The following KCNE2 variants were observed in gnomAD, a reference collection of about 807,000 sequenced individuals.
KCNE2 encodes potassium voltage-gated channel subfamily E member 2.
Under a neutral mutation model 4.5 loss-of-function variants are expected in KCNE2, and 4 were observed. The ratio of observed to expected loss-of-function variants is 0.89; its 90% CI spans 0.44 to 2.03. KCNE2 has a LOEUF of 2.03. Among genes scored for constraint, KCNE2 ranks in the 30% most tolerant of loss-of-function variants. The pLI is 0.03. For synonymous variants in KCNE2, 57 were observed against 55.9 expected (o/e 1.02, Z -0.09); for missense variants, 137 against 151.4 (o/e 0.90, Z 0.50).
chr21:34,364,653 G>A (rs941300999), intron 1 of KCNE2, among the ~76,000 whole-genome samples: 3 of 151,884 alleles, frequency 2.0e-5, no homozygotes, highest in Non-Finnish European at 2.9e-5. Flanking sequence ...GGCGCCTGTA[G>A]TCCCAGCTAC....
Position 34,370,941 on chromosome 21 carries a change from A to C in KCNE2, c.*91A>C. On this transcript the variant is annotated 3_prime_UTR_variant, in exon 2 of 2. Transcript: ENST00000290310. ...CAAATCCAAATTGTCTTTGCTTAGA[A>C]GAAAGTGAGTTCCTTGCTCTCTGTT... 1.3e-6 allele frequency: 2 copies of C among 1,522,182 alleles called. No individual in the cohort carries two copies. The highest frequency in any genetic ancestry group is 1.8e-6 in the Non-Finnish European group (2 of 1,103,174). The allele number at this position is 1,522,182 out of a possible 1,614,324, so 94.3% of individuals were successfully genotyped here.
intron 1 of KCNE2, among the ~76,000 whole-genome samples, chr21:34,364,772 C>CAAAA (rs60945367): frequency 7.4e-6 from 1 of 135,200 alleles, no homozygotes; most frequent in Non-Finnish European, 1.6e-5. Flanking sequence ...GACTCCATCT[C>CAAAA]AAAAAAAAAA....
At chr21:34,366,903 C>G (rs534552833) in intron 1 of KCNE2, among the ~76,000 whole-genome samples, 1 of 131,848 alleles carries the variant, frequency 7.6e-6, no homozygotes, top group Non-Finnish European at 1.5e-5. Context: ...GGCGTAAACC[C>G]GGGAGGCAGA....
At position 34,370,501 on chromosome 21, in the gene KCNE2, C is replaced by T. The variant is rs35759083; in HGVS notation, c.23C>T (p.Thr8Ile). Residue 8 changes from threonine (T) to isoleucine (I), a missense_variant, in exon 2 of 2, where the codon ACA (threonine) becomes ATA (isoleucine). Coordinates refer to ENST00000290310, the MANE Select transcript of KCNE2 (RefSeq NM_172201.2). Reference sequence around the variant, plus strand: ...AGCATGTCTACTTTATCCAATTTCACACAGACGCTGGAAGACGTCTTCCGA... The same window carrying T: ...AGCATGTCTACTTTATCCAATTTCATACAGACGCTGGAAGACGTCTTCCGA... MSTLSNF[T>I]QTLEDVFRRI... is the part of the protein sequence containing the mutation. 5 of 1,614,072 alleles carry T rather than the reference C, an allele frequency of 3.1e-6. No individual in the cohort carries two copies. In the African/African-American group the frequency reaches 5.3e-5, roughly 17 times the overall value.
Position 34,370,884 on chromosome 21 carries a change from T to C in KCNE2, c.*34T>C. 6.2e-7 allele frequency: 1 copy of C among 1,612,690 alleles called. No individual in the cohort carries two copies. Among genetic ancestry groups the C allele is most frequent in the South Asian group, 1.1e-5 (1 of 91,016 alleles). Reference sequence around the variant, plus strand: ...AAAGGCACCAAGCTAACATCTGACGTCCAGACATGAAGAGATGCCAGTGCC... The same window carrying C: ...AAAGGCACCAAGCTAACATCTGACGCCCAGACATGAAGAGATGCCAGTGCC... On this transcript the variant is annotated 3_prime_UTR_variant, in exon 2 of 2. Coordinates refer to ENST00000290310, the MANE Select transcript of KCNE2 (RefSeq NM_172201.2).
rs371823429 is a variant in KCNE2, at chr21:34,366,860, A to T, written c.-13+2709A>T. On this transcript the variant is annotated intron_variant, in intron 1 of 1. Coordinates refer to ENST00000290310, the MANE Select transcript of KCNE2 (RefSeq NM_172201.2). ...CGGGCTTCGTGGCGGGTGCCTGTAGACCCAGCTACTCAGGAGGCTGAGGCA... is the reference window on the plus strand; with the variant it reads ...CGGGCTTCGTGGCGGGTGCCTGTAGTCCCAGCTACTCAGGAGGCTGAGGCA... 5.3e-4 allele frequency among the ~76,000 whole-genome samples: 79 copies of T among 150,346 alleles called. 1 individual carries two copies. The highest frequency in any genetic ancestry group is 6.4e-4 in the South Asian group (3 of 4,710).
At chr21:34,369,505 G>A (rs545218574) in intron 1 of KCNE2, among the ~76,000 whole-genome samples, 34 of 152,104 alleles carry the variant, frequency 2.2e-4, no homozygotes, top group East Asian at 1.4e-3. Flanking sequence ...AGCAGAGATC[G>A]TGCCACCCCA....
rs1568812199 is a variant in KCNE2 at position 34,368,221 on chromosome 21, AC to A, written c.-12-2245del. Among the ~76,000 whole-genome samples, 20 of 88,222 alleles carry A rather than the reference AC, an allele frequency of 2.3e-4. 1 individual carries two copies. Among genetic ancestry groups the A allele is most frequent in the Admixed American group, 1.2e-3 (8 of 6,814 alleles). 57.9% of individuals were successfully genotyped at this position (88,222 alleles called of 152,430 possible). On this transcript the variant is annotated intron_variant, in intron 1 of 1. Coordinates refer to ENST00000290310, the MANE Select transcript of KCNE2 (RefSeq NM_172201.2). Reference sequence around the variant, plus strand: ...ATCACACACACACACACACACACACACACACACAATATATATATATATATAT... The same window carrying A: ...ATCACACACACACACACACACACACAACACACAATATATATATATATATAT...
At chr21:34,365,897 G>A (rs1603058610) in intron 1 of KCNE2, among the ~76,000 whole-genome samples, 2 of 152,180 alleles carry the variant, frequency 1.3e-5, no homozygotes, top group Admixed American at 6.5e-5. Flanking sequence ...TGGGCCACTC[G>A]GCCACATCTC....
At chr21:34,369,484 AG>A (rs1979484754) in intron 1 of KCNE2, among the ~76,000 whole-genome samples, 1 of 152,050 alleles carries the variant, frequency 6.6e-6, no homozygotes, top group East Asian at 1.9e-4. Flanking sequence ...GGGGAGGCGG[AG>A]GTTTCAGTGA....
chr21:34,366,966 C>G (rs1375343507), intron 1 of KCNE2, among the ~76,000 whole-genome samples: 1 of 106,784 alleles, frequency 9.4e-6, no homozygotes, highest in African/African-American at 3.8e-5. Context: ...GCAAAAGAGA[C>G]TCCATCTCAA....
At chr21:34,368,229 A>ACACTATATATATATAT (rs781775671) in intron 1 of KCNE2, among the ~76,000 whole-genome samples, 1 of 84,810 alleles carries the variant, frequency 1.2e-5, no homozygotes, top group African/African-American at 6.0e-5. Context: ...ACACACACAC[A>ACACTATATATATATAT]ATATATATAT....
Position 34,365,625 on chromosome 21 carries a change from A to T in KCNE2, c.-13+1474A>T, listed in dbSNP as rs538710577. 8.5e-5 allele frequency among the ~76,000 whole-genome samples: 13 copies of T among 152,198 alleles called. No homozygotes were observed. In the South Asian group the frequency reaches 1.2e-3, roughly 15 times the overall value. ...TGTTTTGTAGAGGTGGTGTCTCGCT[A>T]TGTTGTCCAGGCTGATCTCGAACTC... On this transcript the variant is annotated intron_variant, in intron 1 of 1. Transcript: ENST00000290310.
At chr21:34,367,979 T>C (rs1358246704) in intron 1 of KCNE2, among the ~76,000 whole-genome samples, 1 of 152,014 alleles carries the variant, frequency 6.6e-6, no homozygotes, top group Non-Finnish European at 1.5e-5. Flanking sequence ...CTTTGCACGT[T>C]GCATTGTCAT....
intron 1 of KCNE2, among the ~76,000 whole-genome samples, chr21:34,366,626 G>T (rs1264581750): frequency 6.6e-6 from 1 of 152,066 alleles, no homozygotes; most frequent in Non-Finnish European, 1.5e-5. Flanking sequence ...CTGAAGGTAG[G>T]AGTTTATAGA....
chr21:34,370,777 T>C lies in KCNE2; in HGVS notation c.299T>C (p.Ile100Thr). 1 of 1,614,102 alleles carries C rather than the reference T, an allele frequency of 6.2e-7. No individual in the cohort carries two copies. The highest frequency in any genetic ancestry group is 8.5e-7 in the Non-Finnish European group (1 of 1,180,018). The change falls in exon 2 of 2, where the codon ATC becomes ACC. Residue 100 changes from isoleucine (I) to threonine (T), a missense_variant. Physicochemically the swap from Ile to Thr is moderately conservative, Grantham distance 89 (BLOSUM62 -1). Transcript: ENST00000290310. Reference protein sequence around the residue: ...EDWQEKYKSQILNLEESKATI... With the variant: ...EDWQEKYKSQTLNLEESKATI... ...TGGCAGGAAAAGTACAAGAGCCAAA[T>C]CTTGAATCTAGAAGAATCGAAGGCC...
Position 34,370,787 on chromosome 21 carries a change from AG to A in KCNE2, c.310del (p.Glu104LysfsTer31), listed in dbSNP as rs1979554775. Reference protein sequence around the residue: ...EKYKSQILNLEESKATIHENI... With the variant: ...EKYKSQILNLXESKATIHENI... ...AGTACAAGAGCCAAATCTTGAATCTAGAAGAATCGAAGGCCACCATCCATGA... is the reference window on the plus strand; with the variant it reads ...AGTACAAGAGCCAAATCTTGAATCTAAAGAATCGAAGGCCACCATCCATGA... On this transcript the variant is annotated frameshift_variant, in exon 2 of 2. Transcript: ENST00000290310. LOFTEE classifies it low-confidence loss of function (END_TRUNC). 3.1e-6 allele frequency: 5 copies of A among 1,614,250 alleles called. No homozygotes were observed. The highest frequency in any genetic ancestry group is 2.5e-6 in the Non-Finnish European group (3 of 1,180,042).
At chr21:34,369,292 G>A (rs1370750876) in intron 1 of KCNE2, among the ~76,000 whole-genome samples, 2 of 152,182 alleles carry the variant, frequency 1.3e-5, no homozygotes, top group Non-Finnish European at 2.9e-5. Context: ...GCTGACACAT[G>A]TAATCCCAGC....
chr21:34,371,068 A>T lies in KCNE2; in HGVS notation c.*218A>T. The T allele has an allele frequency of 1.6e-6, 1 of 617,222 alleles. No homozygotes were observed. Among genetic ancestry groups the T allele is most frequent in the Non-Finnish European group, 2.9e-6 (1 of 349,480 alleles). 38.2% of individuals were successfully genotyped at this position (617,222 alleles called of 1,614,324 possible). A position where few individuals can be genotyped will look rare whatever the true frequency, so the allele number is the denominator to read the frequency against. ...GTTGGAGCAATATTTTGTGCTGAAG[A>T]CCTCTTTTACTTTCCGGGCAAGTGA... On this transcript the variant is annotated 3_prime_UTR_variant, in exon 2 of 2. Transcript: ENST00000290310.
Sources: gnomAD v4.1 joint callset for allele counts (sites outside exome capture counted in the v4.1 genomes callset) on GRCh38, gnomAD v4.1.1 for gene constraint, MANE v1.5 for transcripts, NCBI Gene and HGNC (gene_info 2026-07-23, HGNC 2026-07-21) for gene names.